Variants in GAREM1 observed in about 807,000 individuals in gnomAD.
The protein encoded by GAREM1 is GRB2 associated regulator of MAPK1 subtype 1.
Under a neutral mutation model 71.3 loss-of-function variants are expected in GAREM1, and 26 were observed. That is an observed-to-expected ratio of 0.36 (90% CI 0.27 to 0.51). The LOEUF (loss-of-function observed/expected upper bound fraction) is 0.51, where lower values mean the gene tolerates loss of function less well. Ranked by LOEUF, GAREM1 falls within the 20% of genes least tolerant of loss-of-function variation. GAREM1 has a pLI of 0.95. For synonymous variants in GAREM1, 440 were observed against 433.2 expected, an observed-to-expected ratio of 1.02 and a Z score of -0.20; for missense variants, 1,026 against 1,103.1, an observed-to-expected ratio of 0.93 and a Z score of 0.99.
intron 1 of GAREM1, among the ~76,000 whole-genome samples, chr18:32,446,900 G>C (rs1340016509): frequency 6.6e-6 from 1 of 152,160 alleles, no homozygotes; most frequent in Admixed American, 6.6e-5. Flanking sequence ...AAATCCAGCC[G>C]TGGTGAGTGT....
chr18:32,311,129 T>C (rs2047317393), intron 2 of GAREM1, among the ~76,000 whole-genome samples: 1 of 152,238 alleles, frequency 6.6e-6, no homozygotes, highest in Non-Finnish European at 1.5e-5. Context: ...TGTTGTTGTT[T>C]ACATTTTCAG....
chr18:32,415,007 A>G (rs2048454267), intron 1 of GAREM1, among the ~76,000 whole-genome samples: 1 of 152,136 alleles, frequency 6.6e-6, no homozygotes, highest in Non-Finnish European at 1.5e-5. Context: ...TAAAATTTGA[A>G]ATAAAAAAAG....
chr18:32,437,781 C>G (rs2048693272), intron 1 of GAREM1, among the ~76,000 whole-genome samples: 1 of 152,076 alleles, frequency 6.6e-6, no homozygotes, highest in Non-Finnish European at 1.5e-5. Flanking sequence ...TTAAAAGATC[C>G]CACATAGACA....
chr18:32,469,421 GC>G (rs1370616203), intron 1 of GAREM1, among the ~76,000 whole-genome samples: 4 of 152,142 alleles, frequency 2.6e-5, no homozygotes, highest in Admixed American at 2.6e-4. Context: ...ATCGCATGAC[GC>G]CAAAGCCCAC....
At chr18:32,433,454 A>T (rs1159788778) in intron 1 of GAREM1, among the ~76,000 whole-genome samples, 1 of 151,832 alleles carries the variant, frequency 6.6e-6, no homozygotes, top group African/African-American at 2.4e-5. Flanking sequence ...GGACAAAAAA[A>T]AAAAGAAATT....
At chr18:32,339,026 C>A (rs1027220621) in intron 2 of GAREM1, among the ~76,000 whole-genome samples, 2 of 152,182 alleles carry the variant, frequency 1.3e-5, no homozygotes, top group African/African-American at 2.4e-5. Context: ...ACCAGGTCTC[C>A]AGCCTGCTAG....
rs139178116 is a variant in GAREM1 at position 32,461,002 on chromosome 18, A to G, written c.121+9306T>C. Among the ~76,000 whole-genome samples, 474 of 152,264 alleles carry G rather than the reference A, an allele frequency of 3.1e-3. 5 individuals carry two copies. The highest frequency in any genetic ancestry group is 0.011 in the African/African-American group (451 of 41,556). On this transcript the variant is annotated intron_variant, in intron 1 of 5. Transcript: ENST00000269209. Reference sequence around the variant, plus strand: ...TTATTTAGAATATGGGTAACTAATGACCCTAAGAATCATTATTTTATAAAT... The same window carrying G: ...TTATTTAGAATATGGGTAACTAATGGCCCTAAGAATCATTATTTTATAAAT...
chr18:32,379,437 G>A (rs983418551), intron 2 of GAREM1, among the ~76,000 whole-genome samples: 7 of 113,570 alleles, frequency 6.2e-5, no homozygotes, highest in African/African-American at 2.5e-4. Flanking sequence ...GCTCATGCCT[G>A]TAATCCCAGC....
intron 1 of GAREM1, among the ~76,000 whole-genome samples, chr18:32,453,960 A>G (rs1055236658): frequency 1.3e-5 from 2 of 152,062 alleles, no homozygotes; most frequent in Non-Finnish European, 2.9e-5. Context: ...GCCTTCATAG[A>G]GGTCAGAATC....
At chr18:32,333,718 C>T (rs1367743820) in intron 2 of GAREM1, among the ~76,000 whole-genome samples, 1 of 152,168 alleles carries the variant, frequency 6.6e-6, no homozygotes, top group Non-Finnish European at 1.5e-5. Flanking sequence ...TCATCCTCTA[C>T]AACATTAGCT....
In GAREM1 at chr18:32,423,827, A is replaced by G. The variant is rs567389337; in HGVS notation, c.122-30792T>C. Among the ~76,000 whole-genome samples, 6 of 152,308 alleles carry G rather than the reference A, an allele frequency of 3.9e-5. 1 individual carries two copies. In the South Asian group the frequency reaches 1.2e-3, roughly 32 times the overall value. On this transcript the variant is annotated intron_variant, in intron 1 of 5. Coordinates refer to ENST00000269209, the MANE Select transcript of GAREM1 (RefSeq NM_001242409.2). The stretch of plus-strand genomic sequence containing the variant: ...TTTCATATGTTAGACCTGACTATAG[A>G]GTATAGATGTCTATTAAGAAATGGA...
chr18:32,450,873 T>G (rs910330514), intron 1 of GAREM1, among the ~76,000 whole-genome samples: 14 of 151,904 alleles, frequency 9.2e-5, no homozygotes, highest in African/African-American at 3.4e-4. Context: ...CCATATTCTG[T>G]CTTTCCTCAA....
chr18:32,369,394 G>T (rs1390293789), intron 2 of GAREM1, among the ~76,000 whole-genome samples: 1 of 152,160 alleles, frequency 6.6e-6, no homozygotes, highest in African/African-American at 2.4e-5. Flanking sequence ...AGCACAGACA[G>T]ACTTTGTTGG....
chr18:32,305,784 T>G (rs2047248207), intron 3 of GAREM1, among the ~76,000 whole-genome samples: 1 of 152,228 alleles, frequency 6.6e-6, no homozygotes, highest in Admixed American at 6.5e-5. Context: ...CCTCCCAAAG[T>G]GCTGGGATTA....
At chr18:32,289,104 G>C (rs1477050502) in intron 3 of GAREM1, among the ~76,000 whole-genome samples, 2 of 152,078 alleles carry the variant, frequency 1.3e-5, no homozygotes, top group African/African-American at 4.8e-5. Context: ...TGTTTTTGAA[G>C]ACAGGATCTT....
At chr18:32,348,103 AT>A (rs1404613467) in intron 2 of GAREM1, among the ~76,000 whole-genome samples, 1 of 152,210 alleles carries the variant, frequency 6.6e-6, no homozygotes, top group Non-Finnish European at 1.5e-5. Context: ...CCGCAAGGGA[AT>A]GCTCTAAAAA....
chr18:32,295,916 A>G, intron 3 of GAREM1, among the ~76,000 whole-genome samples: 1 of 151,952 alleles, frequency 6.6e-6, no homozygotes, highest in East Asian at 1.9e-4. Flanking sequence ...CATAGATGCT[A>G]GGCATCTAAA....
At chr18:32,429,862 G>A (rs148545504) in intron 1 of GAREM1, among the ~76,000 whole-genome samples, 56 of 152,236 alleles carry the variant, frequency 3.7e-4, no homozygotes, top group African/African-American at 1.3e-3. Context: ...CAGTATGCAT[G>A]TAAGATAGAA....
intron 1 of GAREM1, among the ~76,000 whole-genome samples, chr18:32,420,822 G>C (rs2048513313): frequency 6.6e-6 from 1 of 151,972 alleles, no homozygotes; most frequent in Non-Finnish European, 1.5e-5. Flanking sequence ...AACTGCATTG[G>C]TTTCATAAAC....
Sources: gnomAD v4.1 joint callset for allele counts (sites outside exome capture counted in the v4.1 genomes callset) on GRCh38, gnomAD v4.1.1 for gene constraint, MANE v1.5 for transcripts, NCBI Gene and HGNC (gene_info 2026-07-23, HGNC 2026-07-21) for gene names.